PIP5K1C: variants seen among roughly 807,000 people sequenced by gnomAD.
PIP5K1C encodes the protein phosphatidylinositol 4-phosphate 5-kinase type-1 gamma.
In PIP5K1C, 45 loss-of-function variants were observed where a neutral mutation model predicts 80.1. That is an observed-to-expected ratio of 0.56 (90% confidence interval 0.44 to 0.72). PIP5K1C has a LOEUF of 0.72. PIP5K1C is among the 30% of genes least tolerant of loss of function. The pLI is 0.00. For synonymous variants in PIP5K1C, 498 were observed against 420.1 expected (o/e 1.19, Z -2.27); for missense variants, 753 against 954.6 (o/e 0.79, Z 2.78).
chr19:3,667,273 G>A (rs767463972), intron 2 of PIP5K1C, 49 bp downstream of exon 2: 4 of 1,534,994 alleles, frequency 2.6e-6, no homozygotes, highest in Middle Eastern at 1.7e-4. Context: ...TAGGGAGGCA[G>A]CAGGTCAGGG....
In PIP5K1C at chr19:3,683,097, C is replaced by T. The variant is rs542689380; in HGVS notation, c.95-15744G>A. ...TGTTCAGGTCTAGATCAAATGTCAC[C>T]TCCTCAGAGAGTCCCCTCCCTGGTC... On this transcript the variant is annotated intron_variant, in intron 1 of 17. Transcript: ENST00000335312. 6.6e-5 allele frequency among the ~76,000 whole-genome samples: 10 copies of T among 152,228 alleles called. 1 individual carries two copies. The South Asian group carries it at 2.1e-3, about 32-fold the overall frequency.
At chr19:3,681,951 G>A (rs936255015) in intron 1 of PIP5K1C, among the ~76,000 whole-genome samples, 1 of 152,152 alleles carries the variant, frequency 6.6e-6, no homozygotes, top group African/African-American at 2.4e-5. Context: ...TCAGCCTGGC[G>A]TGTAGGAATA....
rs575809324 is a variant in PIP5K1C, at chr19:3,651,622, C to T, written c.1127+204G>A. Among the ~76,000 whole-genome samples, 16 of 152,366 alleles carry T rather than the reference C, an allele frequency of 1.1e-4. No homozygotes were observed. The South Asian group carries it at 3.1e-3, about 30-fold the overall frequency. On this transcript the variant is annotated intron_variant, in intron 8 of 17. Coordinates refer to ENST00000335312, the MANE Select transcript of PIP5K1C (RefSeq NM_012398.3). Reference sequence around the variant, plus strand: ...GCCCCCACCATTGCAAGCCAAGGCCCGGAACCCTGCACTCAGCCTGCGGCC... The same window carrying T: ...GCCCCCACCATTGCAAGCCAAGGCCTGGAACCCTGCACTCAGCCTGCGGCC...
At chr19:3,669,656 GAGA>G (rs898922847) in intron 1 of PIP5K1C, 6 of 152,382 alleles carry the variant, frequency 3.9e-5, no homozygotes, top group Admixed American at 3.3e-4. Flanking sequence ...CACACAGAAG[GAGA>G]AGGAAAGTCA....
chr19:3,700,344 G>GC lies in PIP5K1C; in HGVS notation c.46dup (p.Ala16GlyfsTer139). On this transcript the variant is annotated frameshift_variant, in exon 1 of 18. Transcript: ENST00000335312. LOFTEE classifies it high-confidence loss of function. Reference sequence around the variant, plus strand: ...CGCCCACGCCGCCTCCGAGGGCACGGCCCCCGCCTCAGCGCTCTCCGCCTC... The same window carrying GC: ...CGCCCACGCCGCCTCCGAGGGCACGGCCCCCCGCCTCAGCGCTCTCCGCCTC... 1.5e-6 allele frequency: 2 copies of GC among 1,294,868 alleles called. No homozygotes were observed. Among genetic ancestry groups the GC allele is most frequent in the South Asian group, 3.0e-5 (2 of 66,708 alleles). 80.2% of individuals were successfully genotyped at this position (1,294,868 alleles called of 1,614,324 possible). A position where few individuals can be genotyped will look rare whatever the true frequency, so the allele number is the denominator to read the frequency against.
intron 1 of PIP5K1C, among the ~76,000 whole-genome samples, chr19:3,686,218 C>T (rs1186469332): frequency 6.6e-6 from 1 of 152,136 alleles, no homozygotes; most frequent in Non-Finnish European, 1.5e-5. Context: ...GTGACTGACA[C>T]CGGTAATCCT....
intron 1 of PIP5K1C, among the ~76,000 whole-genome samples, chr19:3,684,544 T>G (rs1568355846): frequency 6.6e-6 from 1 of 152,216 alleles, no homozygotes; most frequent in Non-Finnish European, 1.5e-5. Context: ...GAGAGAGGCC[T>G]GGGACAGGAG....
At chr19:3,679,858 G>A (rs915291566) in intron 1 of PIP5K1C, among the ~76,000 whole-genome samples, 17 of 152,350 alleles carry the variant, frequency 1.1e-4, no homozygotes, top group African/African-American at 3.8e-4. Context: ...ACGGAGTGGT[G>A]GAGCAGGCAA....
chr19:3,651,535 ATC>A (rs1400345958), intron 8 of PIP5K1C, among the ~76,000 whole-genome samples: 4 of 152,050 alleles, frequency 2.6e-5, no homozygotes, highest in African/African-American at 4.8e-5. Flanking sequence ...GGGAAACGCT[ATC>A]TCTCTCTCAT....
intron 5 of PIP5K1C, 37 bp from the exon 6 acceptor site, chr19:3,656,594 T>A (rs770198876): frequency 7.4e-6 from 12 of 1,611,472 alleles, no homozygotes; most frequent in Non-Finnish European, 1.0e-5. Context: ...GGCCCCAAGC[T>A]GCCGGACACA....
chr19:3,685,576 A>G (rs2145589059), intron 1 of PIP5K1C, among the ~76,000 whole-genome samples: 1 of 152,090 alleles, frequency 6.6e-6, no homozygotes, highest in South Asian at 2.1e-4. Context: ...TAAAAATACA[A>G]AAAATTAGCC....
chr19:3,678,804 T>C (rs1178214143), intron 1 of PIP5K1C, among the ~76,000 whole-genome samples: 1 of 41,430 alleles, frequency 2.4e-5, no homozygotes, highest in East Asian at 7.1e-4. Flanking sequence ...GGATGGAGAA[T>C]GGAGGGATGG....
intron 15 of PIP5K1C, among the ~76,000 whole-genome samples, chr19:3,641,153 T>A (rs2033944120): frequency 6.6e-6 from 1 of 151,874 alleles, no homozygotes; most frequent in Admixed American, 6.6e-5. Flanking sequence ...AGACGGAGGC[T>A]GCAGTGAGCC....
chr19:3,679,176 A>C (rs2035511474), intron 1 of PIP5K1C, among the ~76,000 whole-genome samples: 1 of 152,036 alleles, frequency 6.6e-6, no homozygotes, highest in Non-Finnish European at 1.5e-5. Context: ...AGGTGTTTTC[A>C]AGCTCTGAAG....
At chr19:3,633,825 C>G (rs1476050392) in intron 16 of PIP5K1C, among the ~76,000 whole-genome samples, 4 of 152,020 alleles carry the variant, frequency 2.6e-5, no homozygotes, top group African/African-American at 7.2e-5. Flanking sequence ...GTGGGGGTCG[C>G]GACCTGGAGC....
At chr19:3,661,579 A>G (rs1396056624) in intron 4 of PIP5K1C, among the ~76,000 whole-genome samples, 1 of 152,236 alleles carries the variant, frequency 6.6e-6, no homozygotes, top group Non-Finnish European at 1.5e-5. Context: ...CAGGACCCCA[A>G]CACCATGGAA....
intron 11 of PIP5K1C, among the ~76,000 whole-genome samples, chr19:3,644,564 C>T (rs2034131753): frequency 6.6e-6 from 1 of 152,232 alleles, no homozygotes; most frequent in Non-Finnish European, 1.5e-5. Context: ...GGGATGCCTG[C>T]AGGCTTCAAC....
intron 16 of PIP5K1C, among the ~76,000 whole-genome samples, chr19:3,638,385 G>A (rs928358039): frequency 8.5e-5 from 13 of 152,146 alleles, no homozygotes; most frequent in African/African-American, 3.1e-4. Flanking sequence ...CCACTGCCCG[G>A]TCCCCCGGCC....
Position 3,637,346 on chromosome 19 carries a change from G to A in PIP5K1C, c.1920+1538C>T. The A allele has an allele frequency of 6.5e-7, 1 of 1,534,608 alleles. No individual in the cohort carries two copies. The highest frequency in any genetic ancestry group is 2.4e-5 in the East Asian group (1 of 40,890). The stretch of plus-strand genomic sequence containing the variant: ...GACGTGGGACCGAATGACATTCCCA[G>A]TGACGCATGCAGCCCAGCGCCTGGT... On this transcript the variant is annotated intron_variant, in intron 16 of 17. Transcript: ENST00000335312. This position sits in a 1 kb window ranked among gnomAD's most constrained non-coding sequence, Gnocchi z 7.0.
Sources: gnomAD v4.1 joint callset for allele counts (sites outside exome capture counted in the v4.1 genomes callset) on GRCh38, gnomAD v4.1.1 for gene constraint, Gnocchi (gnomAD v3.1) non-coding constraint, MANE v1.5 for transcripts, NCBI Gene and HGNC (gene_info 2026-07-23, HGNC 2026-07-21) for gene names.